The following THRAP3 variants were observed in gnomAD, a reference collection of about 807,000 sequenced individuals.
The protein encoded by THRAP3 is thyroid hormone receptor associated protein 3, also known as thyroid hormone receptor-associated protein 3.
A neutral mutation model predicts 101.0 loss-of-function variants in THRAP3; 16 were observed. The observed-to-expected ratio is 0.16, with a 90% CI of 0.11 to 0.24. The LOEUF is 0.24. Among genes scored for constraint, THRAP3 ranks in the 10% least tolerant of loss-of-function variants. The pLI, the probability that THRAP3 is intolerant of heterozygous loss-of-function variation, is 1.00. For missense variants in THRAP3, 989 were observed against 1,202.7 expected, an observed-to-expected ratio of 0.82 and a Z score of 2.63; for synonymous variants, 407 against 422.6, an observed-to-expected ratio of 0.96 and a Z score of 0.45.
the THRAP3 span, among the ~76,000 whole-genome samples, chr1:36,210,722 TATA>T: frequency 2.6e-4 from 2 of 7,620 alleles, 1 homozygote; most frequent in Non-Finnish European, 3.8e-4. Flanking sequence ...TATATATATA[TATA>T]TATATATATA....
chr1:36,280,688 A>G (rs1645719563), intron 2 of THRAP3, among the ~76,000 whole-genome samples: 1 of 152,180 alleles, frequency 6.6e-6, no homozygotes, highest in Admixed American at 6.5e-5. Flanking sequence ...TCTTTGATAG[A>G]TTCCTTACTC....
intron 9 of THRAP3, 149 bp from the exon 10 acceptor site, chr1:36,300,736 TG>T (rs1646021065): frequency 4.5e-6 from 3 of 672,532 alleles, no homozygotes; most frequent in Non-Finnish European, 5.0e-6. Context: ...GTGGGTAGGT[TG>T]GGGGTGAGCT....
intron 2 of THRAP3, among the ~76,000 whole-genome samples, chr1:36,276,952 A>G (rs1360019533): frequency 6.6e-6 from 1 of 152,106 alleles, no homozygotes; most frequent in Non-Finnish European, 1.5e-5. Flanking sequence ...TTGTATCCAC[A>G]CTTTTTTTAA....
At chr1:36,261,973 A>G (rs1023679593) in intron 2 of THRAP3, among the ~76,000 whole-genome samples, 1 of 152,196 alleles carries the variant, frequency 6.6e-6, no homozygotes, top group Non-Finnish European at 1.5e-5. Flanking sequence ...GGACAGTACT[A>G]GATTGGGTTC....
intron 3 of THRAP3, among the ~76,000 whole-genome samples, chr1:36,284,039 G>GT (rs1645766206): frequency 4.6e-5 from 7 of 152,242 alleles, no homozygotes; most frequent in Admixed American, 1.3e-4. Context: ...TTAAACCTCA[G>GT]TTTTAGCTCA....
At chr1:36,224,741 C>T (rs1644940984) in intron 1 of THRAP3, among the ~76,000 whole-genome samples, 1 of 152,288 alleles carries the variant, frequency 6.6e-6, no homozygotes, top group South Asian at 2.1e-4. Context: ...CTCTTGGTCG[C>T]CTTCTCTGCA....
the THRAP3 span, among the ~76,000 whole-genome samples, chr1:36,218,186 G>A: frequency 6.6e-6 from 1 of 151,540 alleles, no homozygotes; most frequent in African/African-American, 2.4e-5. Flanking sequence ...CCAACATGGT[G>A]AAACCCTGTC....
chr1:36,241,187 C>T (rs1645151552), intron 1 of THRAP3, among the ~76,000 whole-genome samples: 1 of 66,882 alleles, frequency 1.5e-5, no homozygotes, highest in South Asian at 6.2e-4. Context: ...TGCAAGACTC[C>T]GTTTCAAAAA....
intron 2 of THRAP3, among the ~76,000 whole-genome samples, chr1:36,269,896 T>C (rs1645566326): frequency 6.6e-6 from 1 of 152,112 alleles, no homozygotes. Flanking sequence ...TTTTTTTAAA[T>C]AAAGTCTTTT....
chr1:36,302,143 C>A (rs1570357042), intron 11 of THRAP3, among the ~76,000 whole-genome samples: 1 of 152,356 alleles, frequency 6.6e-6, no homozygotes, highest in Admixed American at 6.5e-5. Context: ...AGTGGGGCTT[C>A]TCTCATCTAG....
Position 36,292,642 on chromosome 1 carries a change from A to G in THRAP3, c.1963A>G (p.Thr655Ala), listed in dbSNP as rs199742919. The G allele has an allele frequency of 1.9e-6, 3 of 1,613,824 alleles. No homozygotes were observed. The highest frequency in any genetic ancestry group is 2.5e-6 in the Non-Finnish European group (3 of 1,179,900). Residue 655 changes from threonine (T) to alanine (A), a missense_variant, in exon 7 of 12, where the codon ACT (threonine) becomes GCT (alanine). Coordinates refer to ENST00000354618, the MANE Select transcript of THRAP3 (RefSeq NM_005119.4). ...AGGAATGACATTACATGAACGCTTT[A>G]CTAAATACCTAAAGAGAGGAACTGA... ...SSGMTLHERF[T>A]KYLKRGTEQE...
At chr1:36,298,887 T>TGGGCTCAAGTGATCTACCCATCTC (rs1553126027) in intron 9 of THRAP3, among the ~76,000 whole-genome samples, 3 of 152,186 alleles carry the variant, frequency 2.0e-5, no homozygotes, top group Non-Finnish European at 4.4e-5. Context: ...TTTGACCTCC[T>TGGGCTCAAGTGATCTACCCATCTC]GGGCTCAAGT....
At chr1:36,218,692 A>C in the THRAP3 span, among the ~76,000 whole-genome samples, 1 of 151,968 alleles carries the variant, frequency 6.6e-6, no homozygotes, top group Non-Finnish European at 1.5e-5. Context: ...ACTGCACTCC[A>C]GCCTGGGCGA....
chr1:36,212,195 G>A, the THRAP3 span, among the ~76,000 whole-genome samples: 2 of 152,090 alleles, frequency 1.3e-5, no homozygotes, highest in East Asian at 3.9e-4. Flanking sequence ...AGTCCAGGTT[G>A]GTGCTTTTCC....
intron 1 of THRAP3, among the ~76,000 whole-genome samples, chr1:36,255,532 G>A (rs1002383321): frequency 4.6e-5 from 7 of 152,062 alleles, no homozygotes; most frequent in Non-Finnish European, 8.8e-5. Flanking sequence ...ACTTTGGGAG[G>A]CTGAGGTGGG....
the THRAP3 span, among the ~76,000 whole-genome samples, chr1:36,211,050 TA>T: frequency 1.3e-5 from 2 of 148,790 alleles, no homozygotes; most frequent in Non-Finnish European, 3.0e-5. Context: ...TCTCTCCACA[TA>T]AAAAAAAATT....
chr1:36,240,204 G>C (rs1198972041), intron 1 of THRAP3, among the ~76,000 whole-genome samples: 1 of 152,164 alleles, frequency 6.6e-6, no homozygotes, highest in African/African-American at 2.4e-5. Context: ...ATGATAGGCT[G>C]TCTGCAAGCT....
the THRAP3 span, among the ~76,000 whole-genome samples, chr1:36,215,421 A>G: frequency 6.6e-6 from 1 of 152,120 alleles, no homozygotes; most frequent in African/African-American, 2.4e-5. Flanking sequence ...ACGTTCCTTC[A>G]GGCCACAGCG....
chr1:36,246,439 G>A (rs1431012062), intron 1 of THRAP3, among the ~76,000 whole-genome samples: 1 of 152,142 alleles, frequency 6.6e-6, no homozygotes, highest in African/African-American at 2.4e-5. Context: ...CACCATGTTG[G>A]CCAGACTGGT....
Sources: allele counts gnomAD v4.1 joint callset (sites outside exome capture counted in the v4.1 genomes callset), GRCh38; gene constraint gnomAD v4.1.1; transcripts MANE v1.5; gene names NCBI Gene and HGNC (gene_info 2026-07-23, HGNC 2026-07-21).